The following OBP2A variants were observed in gnomAD, a reference collection of about 807,000 sequenced individuals.
OBP2A encodes odorant-binding protein 2a.
A neutral mutation model predicts 21.9 loss-of-function variants in OBP2A; 15 were observed. That is an observed-to-expected ratio of 0.69 (90% CI 0.46 to 1.06). The LOEUF is 1.06. Ranked by LOEUF, OBP2A falls within the 50% of genes least tolerant of loss-of-function variation. The probability of loss-of-function intolerance (pLI) is 0.00; values close to 1 mark genes in which losing one functional copy is unlikely to be tolerated. For missense variants in OBP2A, 192 were observed against 220.1 expected, an observed-to-expected ratio of 0.87 and a Z score of 0.81; for synonymous variants, 86 against 91.8, an observed-to-expected ratio of 0.94 and a Z score of 0.36.
Position 135,547,160 on chromosome 9 carries a change from G to A in OBP2A, c.207-18G>A, listed in dbSNP as rs756313978. ...GTGTGTCCTGGGAGCCGCTGCCCGA[G>A]TGTCTCCTGTTTTCCAGGAGGGAGG... On this transcript the variant is annotated intron_variant, in intron 2 of 6. Coordinates refer to ENST00000371776, the MANE Select transcript of OBP2A (RefSeq NM_014582.3). The A allele has an allele frequency of 3.5e-5, 57 of 1,610,186 alleles. No individual in the cohort carries two copies. Among genetic ancestry groups the A allele is most frequent in the African/African-American group, 5.3e-5 (4 of 74,930 alleles).
intron 4 of OBP2A, among the ~76,000 whole-genome samples, chr9:135,548,460 G>A (rs956593535): frequency 2.6e-5 from 4 of 151,932 alleles, no homozygotes; most frequent in Admixed American, 6.5e-5. Context: ...TCACCTGGGC[G>A]GTGGCCGTCT....
rs1358872463 is a variant in OBP2A, at chr9:135,547,369, AGGGGCTGGCCTCTCCTTCCTGG to A, written c.277+130_277+151del. On this transcript the variant is annotated intron_variant, in intron 3 of 6. Coordinates refer to ENST00000371776, the MANE Select transcript of OBP2A (RefSeq NM_014582.3). ...GTCCCAGCCCTGCCCACCTCCAAGG[AGGGGCTGGCCTCTCCTTCCTGG>A]GGGGCTGGTGGCCCTGACATCAGAC... 5 of 1,153,750 alleles carry A rather than the reference AGGGGCTGGCCTCTCCTTCCTGG, an allele frequency of 4.3e-6. No individual in the cohort carries two copies. The African/African-American group carries it at 7.6e-5, about 18-fold the overall frequency. 71.5% of individuals were successfully genotyped at this position (1,153,750 alleles called of 1,614,324 possible). A position where few individuals can be genotyped will look rare whatever the true frequency, so the allele number is the denominator to read the frequency against.
At position 135,547,102 on chromosome 9, in the gene OBP2A, G is replaced by A; in HGVS notation, c.207-76G>A. 6.0e-6 allele frequency: 9 copies of A among 1,505,122 alleles called. 1 individual carries two copies. Among genetic ancestry groups the A allele is most frequent in the South Asian group, 1.1e-5 (1 of 88,596 alleles). The allele number at this position is 1,505,122 out of a possible 1,614,324, so 93.2% of individuals were successfully genotyped here. On this transcript the variant is annotated intron_variant, in intron 2 of 6. Transcript: ENST00000371776. ...TGGAATTTTCAGGTTGCCGGGTCAG[G>A]GCCATGCACCAGGTGAGCTGAGGAT...
rs1832049137 is a variant in OBP2A, at chr9:135,549,208, G to T, written c.491-100G>T. The T allele has an allele frequency of 7.0e-6, 7 of 1,005,276 alleles. 1 individual carries two copies. The highest frequency in any genetic ancestry group is 1.1e-5 in the Non-Finnish European group (7 of 663,436). The allele number at this position is 1,005,276 out of a possible 1,614,324, so 62.3% of individuals were successfully genotyped here. On this transcript the variant is annotated intron_variant, in intron 5 of 6. Transcript: ENST00000371776. ...TGGGGTCTGGGGCTCCGCGCTCTGGGCTGCGATGGGGTCTGGGGCTCTGAG... is the reference window on the plus strand; with the variant it reads ...TGGGGTCTGGGGCTCCGCGCTCTGGTCTGCGATGGGGTCTGGGGCTCTGAG...
In OBP2A at chr9:135,546,644, G is replaced by A. The variant is rs1221557798; in HGVS notation, c.73-134G>A. On this transcript the variant is annotated intron_variant, in intron 1 of 6. Coordinates refer to ENST00000371776, the MANE Select transcript of OBP2A (RefSeq NM_014582.3). ...ACTCCAGCTGAGCTCTAACTAAGGT[G>A]CAGGAACCCAGCCTGCCTTTAGGGG... 6 of 1,455,466 alleles carry A rather than the reference G, an allele frequency of 4.1e-6. No homozygotes were observed. In the African/African-American group the frequency reaches 4.2e-5, roughly 10 times the overall value. The allele number at this position is 1,455,466 out of a possible 1,614,324, so 90.2% of individuals were successfully genotyped here. A position where few individuals can be genotyped will look rare whatever the true frequency, so the allele number is the denominator to read the frequency against.
rs992921316 is a variant in OBP2A at position 135,546,760 on chromosome 9, G to A, written c.73-18G>A. The A allele has an allele frequency of 3.8e-6, 6 of 1,591,482 alleles. No individual in the cohort carries two copies. Among genetic ancestry groups the A allele is most frequent in the East Asian group, 2.3e-5 (1 of 44,338 alleles). On this transcript the variant is annotated intron_variant, in intron 1 of 6. Coordinates refer to ENST00000371776, the MANE Select transcript of OBP2A (RefSeq NM_014582.3). ...TCTGGGCCACCCATGGTGGGCTCAC[G>A]GCCTTGGCCTGCTCCAGATCACAGG...
intron 4 of OBP2A, among the ~76,000 whole-genome samples, chr9:135,548,329 G>T (rs1201309527): frequency 6.6e-6 from 1 of 152,144 alleles, no homozygotes; most frequent in Non-Finnish European, 1.5e-5. Context: ...GTGCCTCTGG[G>T]ACACAAGGTC....
In OBP2A at chr9:135,547,893, C is replaced by A. The variant is rs771265536; in HGVS notation, c.300C>A (p.Tyr100Ter). The change falls in exon 4 of 7, where the codon TAC becomes TAA. Residue 100 changes from tyrosine to a stop codon, truncating the protein, a stop_gained. Transcript: ENST00000371776. LOFTEE classifies it high-confidence loss of function. The part of the protein sequence containing the change: ...FSAYGGRKLI[Y>*]LQELPGTDDY... ...CAGATGGGGGCAGGAAGCTCATATA[C>A]CTGCAGGAGCTGCCCGGGACGGACG... 1 of 1,612,390 alleles carries A rather than the reference C, an allele frequency of 6.2e-7. No homozygotes were observed. The highest frequency in any genetic ancestry group is 2.2e-5 in the East Asian group (1 of 44,858).
rs997376715 is a variant in OBP2A at position 135,547,351 on chromosome 9, C to G, written c.277+103C>G. Reference sequence around the variant, plus strand: ...GGCCACACTTCTGCCAGGGTCCCAGCCCTGCCCACCTCCAAGGAGGGGCTG... The same window carrying G: ...GGCCACACTTCTGCCAGGGTCCCAGGCCTGCCCACCTCCAAGGAGGGGCTG... On this transcript the variant is annotated intron_variant, in intron 3 of 6. Transcript: ENST00000371776. 8 of 1,248,816 alleles carry G rather than the reference C, an allele frequency of 6.4e-6. No individual in the cohort carries two copies. The African/African-American group carries it at 1.2e-4, about 18-fold the overall frequency. The allele number at this position is 1,248,816 out of a possible 1,614,324, so 77.4% of individuals were successfully genotyped here.
At chr9:135,547,521 A>G (rs1187076915) in intron 3 of OBP2A, among the ~76,000 whole-genome samples, 2 of 152,230 alleles carry the variant, frequency 1.3e-5, no homozygotes, top group East Asian at 3.9e-4. Context: ...GTTAGGGACC[A>G]GGAGGCCGAG....
chr9:135,548,658 G>A (rs1741954530), intron 4 of OBP2A, 50 bp from the exon 5 acceptor site: 2 of 1,611,934 alleles, frequency 1.2e-6, no homozygotes, highest in Non-Finnish European at 1.7e-6. Context: ...GCTCCCTGCA[G>A]GGCCGTGCCG....
intron 3 of OBP2A, 140 bp downstream of exon 3, chr9:135,547,388 C>T (rs1831969404): frequency 1.0e-6 from 1 of 986,136 alleles, no homozygotes; most frequent in East Asian, 2.6e-5. Context: ...CCTCTCCTTC[C>T]TGGGGGGCTG....
chr9:135,549,341 C>A lies in OBP2A; in HGVS notation c.*1+10C>A. 2 of 1,498,814 alleles carry A rather than the reference C, an allele frequency of 1.3e-6. No homozygotes were observed. Among genetic ancestry groups the A allele is most frequent in the Non-Finnish European group, 1.8e-6 (2 of 1,091,078 alleles). The allele number at this position is 1,498,814 out of a possible 1,614,324, so 92.8% of individuals were successfully genotyped here. On this transcript the variant is annotated intron_variant, in intron 6 of 6. Coordinates refer to ENST00000371776, the MANE Select transcript of OBP2A (RefSeq NM_014582.3). ...GTTCTCGAACACTAGGGTGAGTGAG[C>A]CTTTAGGAGGGCACTGGACAAGCCC...
In OBP2A at chr9:135,549,683, G is replaced by A. The variant is rs1832070443; in HGVS notation, c.*2-154G>A. The A allele has an allele frequency of 8.4e-6, 5 of 597,612 alleles. No homozygotes were observed. In the Admixed American group the frequency reaches 9.2e-5, roughly 11 times the overall value. The allele number at this position is 597,612 out of a possible 1,614,324, so 37.0% of individuals were successfully genotyped here. ...ACTCACCAAGGATGCTCAGAGGCCT[G>A]CCCAGTCATTGGAGGAGCTGAGGCT... On this transcript the variant is annotated intron_variant, in intron 6 of 6. Transcript: ENST00000371776.
chr9:135,549,677 A>T, intron 6 of OBP2A, 160 bp from the exon 7 acceptor site: 1 of 591,698 alleles, frequency 1.7e-6, no homozygotes, highest in Admixed American at 3.1e-5. Flanking sequence ...GGATGCTCAG[A>T]GGCCTGCCCA....
Position 135,547,904 on chromosome 9 carries a change from T to G in OBP2A, c.311T>G (p.Leu104Arg), listed in dbSNP as rs1282934929. Residue 104 changes from leucine to arginine, a missense_variant, in exon 4 of 7, where the codon CTG becomes CGG. Transcript: ENST00000371776. The stretch of plus-strand genomic sequence containing the variant: ...AGGAAGCTCATATACCTGCAGGAGC[T>G]GCCCGGGACGGACGACTACGTCTTT... Reference protein sequence around the residue: ...GGRKLIYLQELPGTDDYVFYC... With the variant: ...GGRKLIYLQERPGTDDYVFYC... 6.2e-7 allele frequency: 1 copy of G among 1,613,000 alleles called. No homozygotes were observed. Among genetic ancestry groups the G allele is most frequent in the Non-Finnish European group, 8.5e-7 (1 of 1,179,560 alleles).
intron 1 of OBP2A, among the ~76,000 whole-genome samples, chr9:135,546,522 G>A (rs1285028511): frequency 2.0e-5 from 3 of 151,684 alleles, no homozygotes; most frequent in Admixed American, 6.6e-5. Context: ...TGGAGGGAGG[G>A]CTCACCTGGT....
chr9:135,548,913 T>G, intron 5 of OBP2A, 104 bp downstream of exon 5: 2 of 1,243,504 alleles, frequency 1.6e-6, no homozygotes, highest in African/African-American at 1.5e-5. Context: ...ATTCCCCGTG[T>G]GCCCCGAGTC....
chr9:135,546,783 A>G lies in OBP2A; in HGVS notation c.78A>G (p.Thr26=), dbSNP rs1206773290. The G allele has an allele frequency of 6.2e-7, 1 of 1,609,560 alleles. No homozygotes were observed. Among genetic ancestry groups the G allele is most frequent in the African/African-American group, 1.3e-5 (1 of 74,894 alleles). Reference sequence around the variant, plus strand: ...ACGGCCTTGGCCTGCTCCAGATCACAGGGACCTGGTACGTGAAGGCCATGG... The same window carrying G: ...ACGGCCTTGGCCTGCTCCAGATCACGGGGACCTGGTACGTGAAGGCCATGG... ...LSFTLEEEDI[T]GTWYVKAMVV... The change falls in exon 2 of 7, where the codon ACA becomes ACG. Residue 26 remains threonine, a synonymous_variant. Coordinates refer to ENST00000371776, the MANE Select transcript of OBP2A (RefSeq NM_014582.3).
Sources: allele counts gnomAD v4.1 joint callset (sites outside exome capture counted in the v4.1 genomes callset), GRCh38; gene constraint gnomAD v4.1.1; transcripts MANE v1.5; gene names NCBI Gene and HGNC (gene_info 2026-07-23, HGNC 2026-07-21).